SH3TC1: variants seen among roughly 807,000 people sequenced by gnomAD.
The protein encoded by SH3TC1 is SH3 domain and tetratricopeptide repeats 1, also known as SH3 domain and tetratricopeptide repeat-containing protein 1.
A neutral mutation model predicts 117.3 loss-of-function variants in SH3TC1; 135 were observed. The observed-to-expected ratio is 1.15, with a 90% CI of 1.00 to 1.33. The LOEUF is 1.33. Ranked by LOEUF, SH3TC1 falls within the 40% of genes most tolerant of loss-of-function variation. The pLI is 0.00. For synonymous variants in SH3TC1, 898 were observed against 816.9 expected, an observed-to-expected ratio of 1.10 and a Z score of -1.69; for missense variants, 2,092 against 1,794.3, an observed-to-expected ratio of 1.17 and a Z score of -3.00.
chr4:8,217,849 C>A (rs1005372931), intron 7 of SH3TC1, among the ~76,000 whole-genome samples: 8 of 152,218 alleles, frequency 5.3e-5, no homozygotes, highest in African/African-American at 1.7e-4. Flanking sequence ...GGAACTGAGG[C>A]TGAGAGAGGA....
At chr4:8,202,328 G>C (rs115498894) in intron 1 of SH3TC1, among the ~76,000 whole-genome samples, 3,036 of 152,342 alleles carry the variant, frequency 0.02, 61 homozygotes, top group African/African-American at 0.055. Context: ...CAGGGAGGGT[G>C]AAGGCCCCAG....
rs1210644537 is a variant in SH3TC1, at chr4:8,227,462, C to T, written c.1768C>T (p.Leu590=). Reference sequence around the variant, plus strand: ...GTACTTTGAGGAAGCGCTGGGGGCCCTGGAGGGCAGCTTCGGGGACCTGTT... The same window carrying T: ...GTACTTTGAGGAAGCGCTGGGGGCCTTGGAGGGCAGCTTCGGGGACCTGTT... ...RVYFEEALGA[L]EGSFGDLFLV... is the part of the protein sequence containing the mutation. The change falls in exon 12 of 18, where the codon CTG becomes TTG. Residue 590 remains leucine, a synonymous_variant. Transcript: ENST00000245105. 6.4e-7 allele frequency: 1 copy of T among 1,565,558 alleles called. No homozygotes were observed. The highest frequency in any genetic ancestry group is 2.2e-5 in the East Asian group (1 of 44,650).
At chr4:8,214,751 T>C (rs1471955999) in intron 5 of SH3TC1, among the ~76,000 whole-genome samples, 171 bp downstream of exon 5, 3 of 152,220 alleles carry the variant, frequency 2.0e-5, no homozygotes, top group African/African-American at 7.2e-5. Flanking sequence ...TGGCGCAATC[T>C]TAGCTCACTG....
chr4:8,212,749 AC>A lies in SH3TC1; in HGVS notation c.300del (p.Gly101AlafsTer43). 4 of 1,612,480 alleles carry A rather than the reference AC, an allele frequency of 2.5e-6. No homozygotes were observed. Among genetic ancestry groups the A allele is most frequent in the Non-Finnish European group, 3.4e-6 (4 of 1,179,852 alleles). The part of the protein sequence containing the change: ...LAVRRKSRLR[D>X]PGLQQTLRGQ... ...GTGCGGAGGAAGAGCAGACTGCGGG[AC>A]CCCGGCCTACAGCAGACCCTCCGGG... On this transcript the variant is annotated frameshift_variant, in exon 4 of 18. Transcript: ENST00000245105. LOFTEE classifies it high-confidence loss of function.
chr4:8,219,566 A>G (rs1435851919), intron 9 of SH3TC1, 36 bp downstream of exon 9: 1 of 1,453,418 alleles, frequency 6.9e-7, no homozygotes, highest in East Asian at 2.6e-5. Context: ...TCCTGAACCC[A>G]CCCCCATCTC....
intron 10 of SH3TC1, among the ~76,000 whole-genome samples, chr4:8,223,734 G>GCGATTCT (rs1160242396): frequency 6.6e-6 from 1 of 151,412 alleles, no homozygotes; most frequent in African/African-American, 2.4e-5. Context: ...CCGGGTTCAA[G>GCGATTCT]CGATTCTCGT....
chr4:8,229,708 TG>T (rs1032996561), intron 12 of SH3TC1, among the ~76,000 whole-genome samples: 11 of 148,996 alleles, frequency 7.4e-5, no homozygotes, highest in African/African-American at 2.5e-4. Context: ...CAAGGAGGAG[TG>T]GGGGGGTTCA....
rs1329492046 is a variant in SH3TC1 at position 8,206,911 on chromosome 4, G to A, written c.172+1545G>A. On this transcript the variant is annotated intron_variant, in intron 2 of 17. Transcript: ENST00000245105. The surrounding 1 kb of genome is among the most constrained non-coding windows in gnomAD (Gnocchi z 5.5). ...TTTGGGAGTAAATTGCAGACATGAT[G>A]CCCCTTCATCCTAAAAGGTGTCCAT... Among the ~76,000 whole-genome samples, 1 of 151,304 alleles carries A rather than the reference G, an allele frequency of 6.6e-6. No homozygotes were observed. The highest frequency in any genetic ancestry group is 1.5e-5 in the Non-Finnish European group (1 of 67,900).
Position 8,183,748 on chromosome 4 carries a change from G to A in SH3TC1, c.-57+1538G>A, listed in dbSNP as rs1717146970. ...ATGGTACATTTGTCATAACTAATGA[G>A]CCAATACCACCAATGCCTGATTACC... On this transcript the variant is annotated intron_variant, in intron 1 of 16. Transcript: ENST00000508641. The surrounding 1 kb of genome is among the most constrained non-coding windows in gnomAD (Gnocchi z 5.4). Among the ~76,000 whole-genome samples the A allele has an allele frequency of 6.6e-6, 1 of 152,124 alleles. No homozygotes were observed. The highest frequency in any genetic ancestry group is 2.4e-5 in the African/African-American group (1 of 41,416).
intron 15 of SH3TC1, 132 bp from the exon 16 acceptor site, chr4:8,236,146 G>T: frequency 8.5e-7 from 1 of 1,174,356 alleles, no homozygotes; most frequent in East Asian, 3.0e-5. Flanking sequence ...CTTTATCTCA[G>T]AGCACACAGC....
Position 8,219,371 on chromosome 4 carries a change from G to T in SH3TC1, c.953G>T (p.Gly318Val), listed in dbSNP as rs753815116. 1.0e-5 allele frequency: 16 copies of T among 1,605,808 alleles called. No homozygotes were observed. The African/African-American group carries it at 2.0e-4, about 20-fold the overall frequency. ...GLASALADFQ[G>V]SGPEEMTFRG... is the part of the protein sequence containing the mutation. ...GCCTCGGCATTGGCAGACTTCCAGGGCTCGGGGCCCGAAGAGATGACCTTC... is the reference window on the plus strand; with the variant it reads ...GCCTCGGCATTGGCAGACTTCCAGGTCTCGGGGCCCGAAGAGATGACCTTC... Residue 318 changes from glycine to valine, a missense_variant, in exon 9 of 18, where the codon GGC becomes GTC. Gly to Val is a moderately radical substitution (Grantham distance 109, BLOSUM62 -3). Transcript: ENST00000245105.
At chr4:8,203,087 A>G (rs1717946529) in intron 1 of SH3TC1, among the ~76,000 whole-genome samples, 1 of 152,164 alleles carries the variant, frequency 6.6e-6, no homozygotes. Context: ...GGGTTTCCTC[A>G]TCCTGTACTA....
chr4:8,237,083 T>TCC (rs1721887273), intron 16 of SH3TC1: 1 of 204,062 alleles, frequency 4.9e-6, no homozygotes, highest in African/African-American at 2.3e-5. Flanking sequence ...ACGCAGTGAC[T>TCC]CCCCAAGGTA....
chr4:8,235,506 T>A lies in SH3TC1; in HGVS notation c.3356T>A (p.Ile1119Asn), dbSNP rs140996511. ...GLELFEAAGD[I>N]FFDGAWEREK... ...GAGCTGTTTGAGGCGGCTGGAGACATCTTCTTCGACGGGGCCTGGGAGCGG... is the reference window on the plus strand; with the variant it reads ...GAGCTGTTTGAGGCGGCTGGAGACAACTTCTTCGACGGGGCCTGGGAGCGG... Residue 1119 changes from isoleucine (I) to asparagine (N), a missense_variant, in exon 15 of 18, where the codon ATC becomes AAC. Ile to Asn is a moderately radical substitution (Grantham distance 149). Transcript: ENST00000245105. 47 of 1,606,426 alleles carry A rather than the reference T, an allele frequency of 2.9e-5. 1 individual carries two copies. The highest frequency in any genetic ancestry group is 4.5e-5 in the East Asian group (2 of 44,542).
rs939317272 is a variant in SH3TC1, at chr4:8,233,423, G to A, written c.3192G>A (p.Gln1064=). The change falls in exon 14 of 18, where the codon CAG becomes CAA. Residue 1064 remains glutamine (Q), a synonymous_variant. Transcript: ENST00000245105. The part of the protein sequence containing the change: ...KRSLGIFIDL[Q]KKEKEAHAWL... ...GTCTGGGGATTTTCATTGACCTCCA[G>A]AAGAAAGAGAAGGAGGCGCATGCCT... 122 of 1,613,864 alleles carry A rather than the reference G, an allele frequency of 7.6e-5. No individual in the cohort carries two copies. The Admixed American group carries it at 2.0e-3, about 26-fold the overall frequency.
chr4:8,187,029 C>A (rs1270572118), intron 1 of SH3TC1, among the ~76,000 whole-genome samples: 1 of 152,154 alleles, frequency 6.6e-6, no homozygotes, highest in Non-Finnish European at 1.5e-5. Context: ...ACTTCCCTTG[C>A]CCTCTCTGAC....
chr4:8,185,597 G>T (rs765776673), intron 1 of SH3TC1, among the ~76,000 whole-genome samples: 1 of 152,218 alleles, frequency 6.6e-6, no homozygotes, highest in African/African-American at 2.4e-5. Flanking sequence ...ACACTCTGAA[G>T]CTTGCTTTTT....
chr4:8,215,323 AC>A (rs1719151791), intron 5 of SH3TC1: 1 of 445,264 alleles, frequency 2.2e-6, no homozygotes, highest in Non-Finnish European at 4.6e-6. Flanking sequence ...ATCTTGCGAC[AC>A]CACCCTTGAT....
At chr4:8,218,449 A>T (rs1053417497) in intron 8 of SH3TC1, 102 bp downstream of exon 8, 2 of 783,756 alleles carry the variant, frequency 2.6e-6, no homozygotes, top group Non-Finnish European at 4.1e-6. Context: ...AGCCAGAGAG[A>T]TAGCTATCAG....
Sources: allele counts gnomAD v4.1 joint callset (sites outside exome capture counted in the v4.1 genomes callset), GRCh38; gene constraint gnomAD v4.1.1; non-coding constraint Gnocchi (gnomAD v3.1); transcripts MANE v1.5; gene names NCBI Gene and HGNC (gene_info 2026-07-23, HGNC 2026-07-21).